Variants in SLC6A4 observed in about 807,000 individuals in gnomAD.
SLC6A4 encodes solute carrier family 6 member 4.
SLC6A4 carries 22 observed loss-of-function variants against 73.4 expected under a neutral mutation model. The observed-to-expected ratio is 0.30, with a 90% CI of 0.21 to 0.43. The LOEUF is 0.43. Among genes scored for constraint, SLC6A4 ranks in the 20% least tolerant of loss-of-function variants. The pLI is 1.00. For synonymous variants in SLC6A4, 270 were observed against 315.5 expected, an observed-to-expected ratio of 0.86 and a Z score of 1.53; for missense variants, 593 against 808.5, an observed-to-expected ratio of 0.73 and a Z score of 3.23.
chr17:30,222,981 C>T, intron 1 of SLC6A4, 66 bp from the exon 2 acceptor site: 1 of 506,030 alleles, frequency 2.0e-6, no homozygotes, highest in South Asian at 1.6e-5. Context: ...CCTGTGCCTC[C>T]ACTGGGAGGG....
intron 1 of SLC6A4, among the ~76,000 whole-genome samples, chr17:30,233,016 T>G (rs2143016800): frequency 6.6e-6 from 1 of 152,330 alleles, no homozygotes; most frequent in Non-Finnish European, 1.5e-5. Context: ...AAGGCTAGTT[T>G]CATCTGTTTT....
intron 12 of SLC6A4, 87 bp downstream of exon 12, chr17:30,209,056 A>G (rs1205889070): frequency 1.1e-6 from 1 of 917,714 alleles, no homozygotes. Flanking sequence ...ACTGCCCCTC[A>G]CAGCCTTTTT....
chr17:30,226,690 A>G (rs188563608), intron 1 of SLC6A4, among the ~76,000 whole-genome samples: 1 of 152,130 alleles, frequency 6.6e-6, no homozygotes, highest in Admixed American at 6.5e-5. Context: ...ACAAGAGTGA[A>G]ACTCTGTCTC....
intron 13 of SLC6A4, among the ~76,000 whole-genome samples, chr17:30,206,839 CT>C (rs1228650910): frequency 6.6e-6 from 1 of 150,848 alleles, no homozygotes; most frequent in Non-Finnish European, 1.5e-5. Context: ...CTGCCTCAGC[CT>C]CCTGAGTAGC....
intron 3 of SLC6A4, 76 bp downstream of exon 3, chr17:30,221,540 C>G: frequency 7.4e-7 from 1 of 1,357,822 alleles, no homozygotes; most frequent in Non-Finnish European, 1.0e-6. Context: ...GGTCACAGCC[C>G]ACCCCGGGTC....
Position 30,221,819 on chromosome 17 carries a change from T to TG in SLC6A4, c.139_140insC (p.Tyr47SerfsTer12), listed in dbSNP as rs769651028. 2.5e-6 allele frequency: 4 copies of TG among 1,614,058 alleles called. No individual in the cohort carries two copies. The highest frequency in any genetic ancestry group is 3.4e-6 in the Non-Finnish European group (4 of 1,180,036). ...CGCACCAGGACTTGGAACTGCTGAGTACCCATTGGATATTTGCCCGGACTC... is the reference window on the plus strand; with the variant it reads ...CGCACCAGGACTTGGAACTGCTGAGTGACCCATTGGATATTTGCCCGGACTC... On this transcript the variant is annotated frameshift_variant, in exon 3 of 15. Coordinates refer to ENST00000650711, the MANE Select transcript of SLC6A4 (RefSeq NM_001045.6). LOFTEE classifies it high-confidence loss of function.
At chr17:30,225,820 C>G (rs759500493) in intron 1 of SLC6A4, among the ~76,000 whole-genome samples, 5 of 152,210 alleles carry the variant, frequency 3.3e-5, no homozygotes, top group Non-Finnish European at 7.3e-5. Context: ...GGTTGACTTT[C>G]TCTTAACTCT....
chr17:30,217,082 TG>T (rs1295568518), intron 6 of SLC6A4, 83 bp downstream of exon 6: 4 of 1,173,642 alleles, frequency 3.4e-6, no homozygotes, highest in Non-Finnish European at 4.9e-6. Context: ...GAAACAGTGC[TG>T]TCTGTCCAGG....
Position 30,215,702 on chromosome 17 carries a change from C to A in SLC6A4, c.985G>T (p.Ala329Ser). Residue 329 changes from alanine to serine, a missense_variant, in exon 8 of 15, where the codon GCA becomes TCA. Transcript: ENST00000650711. ...AGAGAGAAGAAGATCTGAGCGGCTG[C>A]ATCTATCCACACCTGGAACACAGCA... ...KLLETGVWID[A>S]AAQIFFSLGP... 2.5e-6 allele frequency: 4 copies of A among 1,613,936 alleles called. No homozygotes were observed. Among genetic ancestry groups the A allele is most frequent in the Non-Finnish European group, 3.4e-6 (4 of 1,179,928 alleles).
chr17:30,218,575 C>A (rs1906653787), intron 4 of SLC6A4, among the ~76,000 whole-genome samples: 1 of 152,202 alleles, frequency 6.6e-6, no homozygotes, highest in Admixed American at 6.5e-5. Context: ...CCTGTTAATG[C>A]TTTAAAATGT....
Position 30,217,254 on chromosome 17 carries a change from C to G in SLC6A4, c.749G>C (p.Gly250Ala). 2 of 1,613,726 alleles carry G rather than the reference C, an allele frequency of 1.2e-6. No individual in the cohort carries two copies. The highest frequency in any genetic ancestry group is 1.7e-6 in the Non-Finnish European group (2 of 1,179,628). ...HRSKGLQDLG[G>A]ISWQLALCIM... ...GCAGAGGGCCAGCTGCCAGCTGATG[C>G]CCCCCAGGTCCTGGAGCCCCTTAGA... is the stretch of plus-strand genomic sequence containing the variant. Residue 250 changes from glycine to alanine, a missense_variant, in exon 6 of 15, where the codon GGC (glycine) becomes GCC (alanine). Coordinates refer to ENST00000650711, the MANE Select transcript of SLC6A4 (RefSeq NM_001045.6).
chr17:30,204,810 G>T, intron 13 of SLC6A4, among the ~76,000 whole-genome samples: 1 of 152,134 alleles, frequency 6.6e-6, no homozygotes, highest in South Asian at 2.1e-4. Context: ...CTGTAGAGGG[G>T]TGAGTATGGC....
intron 13 of SLC6A4, chr17:30,204,531 T>C (rs1415003602): frequency 1.3e-5 from 2 of 152,182 alleles, no homozygotes. Context: ...TGTCTCTTAA[T>C]GTCAGGTGTG....
chr17:30,216,137 C>A lies in SLC6A4; in HGVS notation c.917G>T (p.Trp306Leu). Residue 306 changes from tryptophan to leucine, a missense_variant, in exon 7 of 15, where the codon TGG becomes TTG. By Grantham distance (61) the Trp-to-Leu change is moderately conservative (BLOSUM62 -2). Transcript: ENST00000650711. The stretch of plus-strand genomic sequence containing the variant: ...TTTCAAGTAGAAGAGAACACCCCTC[C>A]AGGCTCCAGGGAGGGTGGCACCCCT... ...LVRGATLPGA[W>L]RGVLFYLKPN... is the part of the protein sequence containing the mutation. 1 of 1,613,556 alleles carries A rather than the reference C, an allele frequency of 6.2e-7. No homozygotes were observed. The highest frequency in any genetic ancestry group is 8.5e-7 in the Non-Finnish European group (1 of 1,179,752).
In SLC6A4 at chr17:30,221,764, C is replaced by T. The variant is rs147867056; in HGVS notation, c.195G>A (p.Ala65=). The T allele has an allele frequency of 4.0e-5, 64 of 1,614,026 alleles. No individual in the cohort carries two copies. Among genetic ancestry groups the T allele is most frequent in the South Asian group, 1.1e-4 (10 of 91,074 alleles). Residue 65 remains alanine, a synonymous_variant, in exon 3 of 15, where the codon GCG becomes GCA. Transcript: ENST00000650711. ...AGDDTRHSIP[A]TTTTLVAELH... ...GCTCAGCCACTAGGGTGGTGGTGGT[C>T]GCTGGGATAGAGTGCCGTGTGTCAT...
intron 13 of SLC6A4, among the ~76,000 whole-genome samples, chr17:30,206,712 C>CTTTTTTTTTTTT (rs1056871791): frequency 1.0e-4 from 8 of 80,296 alleles, no homozygotes; most frequent in Non-Finnish European, 1.7e-4. Flanking sequence ...CTTTTCTTTT[C>CTTTTTTTTTTTT]TTTTTTTTTT....
intron 12 of SLC6A4, among the ~76,000 whole-genome samples, chr17:30,208,479 C>T (rs553853773): frequency 7.2e-5 from 11 of 152,086 alleles, no homozygotes; most frequent in South Asian, 2.1e-4. Flanking sequence ...GTTGCTTCCC[C>T]GAGAGGTCCC....
At chr17:30,213,188 G>A (rs976760681) in intron 8 of SLC6A4, among the ~76,000 whole-genome samples, 1 of 152,206 alleles carries the variant, frequency 6.6e-6, no homozygotes, top group African/African-American at 2.4e-5. Context: ...GCCCAGGTTG[G>A]AGTGGGGGCC....
intron 11 of SLC6A4, among the ~76,000 whole-genome samples, chr17:30,209,742 A>T (rs1906325399): frequency 6.6e-6 from 1 of 151,764 alleles, no homozygotes; most frequent in Admixed American, 6.6e-5. Flanking sequence ...GCCTCTTCCC[A>T]TCCTATGTAG....
Sources: gnomAD v4.1 joint callset for allele counts (sites outside exome capture counted in the v4.1 genomes callset) on GRCh38, gnomAD v4.1.1 for gene constraint, MANE v1.5 for transcripts, NCBI Gene and HGNC (gene_info 2026-07-23, HGNC 2026-07-21) for gene names.